PUS7: variants seen among roughly 807,000 people sequenced by gnomAD.
PUS7 encodes pseudouridine synthase 7.
PUS7 carries 48 observed loss-of-function variants against 79.8 expected under a neutral mutation model. That is an observed-to-expected ratio of 0.60 (90% CI 0.48 to 0.76). The LOEUF (loss-of-function observed/expected upper bound fraction) is 0.76. Ranked by LOEUF, PUS7 falls within the 30% of genes least tolerant of loss-of-function variation. The pLI, the probability that PUS7 is intolerant of heterozygous loss-of-function variation, is 0.00. For missense variants in PUS7, 729 were observed against 797.6 expected (o/e 0.91, Z 1.04); for synonymous variants, 286 against 272.2 (o/e 1.05, Z -0.50).
chr7:105,514,018 CAGG>C (rs1291026341), intron 1 of PUS7, among the ~76,000 whole-genome samples: 4 of 134,336 alleles, frequency 3.0e-5, no homozygotes, highest in Non-Finnish European at 6.5e-5. Context: ...ATCACGAAGT[CAGG>C]AGATCGAAAC....
intron 1 of PUS7, among the ~76,000 whole-genome samples, chr7:105,515,775 T>TTTGTA (rs1189936343): frequency 2.2e-4 from 7 of 32,488 alleles, no homozygotes; most frequent in African/African-American, 3.9e-4. Context: ...CCGACTAAGT[T>TTTGTA]TTGTATTTTA....
At chr7:105,495,663 T>C (rs559856864) in intron 5 of PUS7, among the ~76,000 whole-genome samples, 1 of 152,174 alleles carries the variant, frequency 6.6e-6, no homozygotes, top group South Asian at 2.1e-4. Context: ...GAGGATCACA[T>C]GAACATGTAG....
chr7:105,460,853 C>CAA (rs55923593), intron 14 of PUS7, among the ~76,000 whole-genome samples: 68,387 of 83,748 alleles, frequency 0.82, 28,144 homozygotes, highest in South Asian at 0.87. Flanking sequence ...GACTCCGTCT[C>CAA]AAAAAAAAAA....
At chr7:105,496,212 T>TAGAG (rs1562808917) in intron 5 of PUS7, among the ~76,000 whole-genome samples, 112 of 71,146 alleles carry the variant, frequency 1.6e-3, no homozygotes, top group Non-Finnish European at 1.6e-3. Flanking sequence ...TATATATATA[T>TAGAG]ATATATATAT....
At chr7:105,459,113 T>C (rs1823310940) in intron 15 of PUS7, 55 bp downstream of exon 15, 3 of 1,185,516 alleles carry the variant, frequency 2.5e-6, no homozygotes, top group Non-Finnish European at 1.2e-6. Flanking sequence ...AATTATGTTT[T>C]TGTTTAACAA....
intron 1 of PUS7, among the ~76,000 whole-genome samples, chr7:105,516,548 G>A (rs1825902980): frequency 1.3e-5 from 2 of 151,954 alleles, no homozygotes; most frequent in Admixed American, 1.3e-4. Context: ...CCACCTCCCG[G>A]GTTCAAGTGA....
chr7:105,495,057 C>T (rs969644690), intron 6 of PUS7, 85 bp downstream of exon 6: 22 of 677,988 alleles, frequency 3.2e-5, no homozygotes, highest in Admixed American at 1.0e-4. Flanking sequence ...CTGTGCTCCT[C>T]CTGCTCCTTT....
chr7:105,518,678 C>T (rs757179633), intron 1 of PUS7, among the ~76,000 whole-genome samples: 3 of 152,166 alleles, frequency 2.0e-5, no homozygotes, highest in Admixed American at 6.6e-5. Context: ...TGTGCACCAC[C>T]GCCCAGGCCA....
chr7:105,503,715 C>T (rs1236367185), intron 4 of PUS7, among the ~76,000 whole-genome samples: 1 of 152,200 alleles, frequency 6.6e-6, no homozygotes, highest in African/African-American at 2.4e-5. Context: ...TCACTGCAAC[C>T]TCTGCCTCCC....
intron 6 of PUS7, among the ~76,000 whole-genome samples, chr7:105,493,618 G>C (rs1406697133): frequency 6.6e-6 from 1 of 152,200 alleles, no homozygotes; most frequent in Non-Finnish European, 1.5e-5. Flanking sequence ...CTTCAAAGAG[G>C]TGATTCAGTT....
intron 4 of PUS7, among the ~76,000 whole-genome samples, chr7:105,505,507 A>G (rs1452611617): frequency 6.6e-6 from 1 of 152,156 alleles, no homozygotes; most frequent in Admixed American, 6.5e-5. Flanking sequence ...CAGACAGCAA[A>G]TGGTGGTCCT....
At chr7:105,489,883 C>G (rs954332694) in intron 7 of PUS7, among the ~76,000 whole-genome samples, 1 of 152,028 alleles carries the variant, frequency 6.6e-6, no homozygotes, top group African/African-American at 2.4e-5. Flanking sequence ...CTGTGGGATG[C>G]TGAGGTGGGT....
chr7:105,496,192 CACACATATAT>C (rs1318139171), intron 5 of PUS7, among the ~76,000 whole-genome samples: 63 of 24,710 alleles, frequency 2.5e-3, no homozygotes, highest in African/African-American at 0.012. Flanking sequence ...TCTACACACA[CACACATATAT>C]ATATATATAT....
At chr7:105,504,613 A>G (rs2133234674) in intron 4 of PUS7, among the ~76,000 whole-genome samples, 1 of 152,304 alleles carries the variant, frequency 6.6e-6, no homozygotes, top group Middle Eastern at 3.4e-3. Flanking sequence ...ACAGACTTTC[A>G]GTAGATAGGA....
intron 5 of PUS7, chr7:105,496,805 C>T: frequency 3.6e-6 from 1 of 274,162 alleles, no homozygotes; most frequent in Non-Finnish European, 5.9e-6. Context: ...GAATTCCTCA[C>T]AAGTTCTTCA....
chr7:105,520,353 G>C lies in PUS7; in HGVS notation c.-33+1699C>G, dbSNP rs373751151. On this transcript the variant is annotated intron_variant, in intron 1 of 15. Transcript: ENST00000469408. ...GGGCGCCTGTAGTCCCAGCTACTCG[G>C]GAGGCTGAGGCAGGAGAATGGCGTG... Among the ~76,000 whole-genome samples the C allele has an allele frequency of 3.3e-5, 5 of 152,058 alleles. No homozygotes were observed. In the East Asian group the frequency reaches 9.7e-4, roughly 29 times the overall value.
chr7:105,481,253 G>A (rs1824308678), intron 8 of PUS7, 76 bp from the exon 9 acceptor site: 11 of 1,344,850 alleles, frequency 8.2e-6, no homozygotes, highest in South Asian at 1.7e-5. Flanking sequence ...AAATGACTAC[G>A]GCCTGGCTTC....
At chr7:105,502,612 A>G in intron 4 of PUS7, 48 bp from the exon 5 acceptor site, 1 of 1,589,108 alleles carries the variant, frequency 6.3e-7, no homozygotes, top group East Asian at 2.2e-5. Context: ...CAAACATTAA[A>G]TAGGGAAGTA....
At chr7:105,518,455 T>C (rs1825977798) in intron 1 of PUS7, among the ~76,000 whole-genome samples, 1 of 152,120 alleles carries the variant, frequency 6.6e-6, no homozygotes. Flanking sequence ...CAGGCTGGAG[T>C]GCAGTGGCGT....
Sources: gnomAD v4.1 joint callset for allele counts (sites outside exome capture counted in the v4.1 genomes callset) on GRCh38, gnomAD v4.1.1 for gene constraint, MANE v1.5 for transcripts, NCBI Gene and HGNC (gene_info 2026-07-23, HGNC 2026-07-21) for gene names.